PRPF18: variants seen among roughly 807,000 people sequenced by gnomAD.
PRPF18 encodes pre-mRNA processing factor 18, also known as pre-mRNA-splicing factor 18.
PRPF18 carries 38 observed loss-of-function variants against 46.5 expected under a neutral mutation model. The ratio of observed to expected loss-of-function variants is 0.82; its 90% confidence interval spans 0.63 to 1.07. The LOEUF is 1.07. PRPF18 is among the 50% of genes least tolerant of loss of function. The pLI, the probability that PRPF18 is intolerant of heterozygous loss-of-function variation, is 0.00. For synonymous variants in PRPF18, 152 were observed against 146.7 expected, an observed-to-expected ratio of 1.04 and a Z score of -0.26; for missense variants, 263 against 410.0, an observed-to-expected ratio of 0.64 and a Z score of 3.10.
At chr10:13,624,007 CAG>C (rs1462070588) in intron 9 of PRPF18, among the ~76,000 whole-genome samples, 31 of 152,170 alleles carry the variant, frequency 2.0e-4, no homozygotes, top group Admixed American at 1.4e-3. Context: ...TTATTTCAGA[CAG>C]GGTCTCATTC....
At chr10:13,629,221 C>T (rs2080556907) in intron 9 of PRPF18, among the ~76,000 whole-genome samples, 1 of 152,132 alleles carries the variant, frequency 6.6e-6, no homozygotes, top group Admixed American at 6.5e-5. Context: ...TTGTAGTTGT[C>T]TAAAAACAGC....
intron 1 of PRPF18, among the ~76,000 whole-genome samples, chr10:13,587,628 A>G (rs949308328): frequency 5.3e-5 from 8 of 152,206 alleles, no homozygotes; most frequent in Non-Finnish European, 1.0e-4. Context: ...ATAGGGCGCC[A>G]GTTCACCTCA....
At chr10:13,635,022 A>T (rs898102780), downstream of PRPF18, among the ~76,000 whole-genome samples, 1 of 152,100 alleles carries the variant, frequency 6.6e-6, no homozygotes, top group Non-Finnish European at 1.5e-5. Context: ...TCCACTAGCT[A>T]TTCTTCCTGA....
At chr10:13,640,644 T>G in the PRPF18 span, 1 of 152,360 alleles carries the variant, frequency 6.6e-6, no homozygotes, top group African/African-American at 2.4e-5. Context: ...TTTCTCCTAC[T>G]TAATAGCACC....
the PRPF18 span, chr10:13,654,902 G>A: frequency 4.9e-6 from 1 of 205,300 alleles, no homozygotes; most frequent in Admixed American, 5.4e-5. Context: ...GGCTCATACA[G>A]GGAGGGCATA....
chr10:13,642,804 G>T, the PRPF18 span: 2 of 151,918 alleles, frequency 1.3e-5, no homozygotes, highest in African/African-American at 4.8e-5. Context: ...GCTCTCCCAC[G>T]GGCAGTTTTT....
chr10:13,606,795 C>CT (rs1162917288), intron 4 of PRPF18, among the ~76,000 whole-genome samples: 8 of 142,194 alleles, frequency 5.6e-5, no homozygotes, highest in African/African-American at 7.6e-5. Flanking sequence ...TTATGCAGAT[C>CT]TTTTTTTGGA....
At chr10:13,625,702 G>A (rs1159681395) in intron 9 of PRPF18, among the ~76,000 whole-genome samples, 3 of 152,232 alleles carry the variant, frequency 2.0e-5, no homozygotes, top group African/African-American at 4.8e-5. Context: ...CAAAGCTAAA[G>A]AGAAGATTTC....
intron 3 of PRPF18, among the ~76,000 whole-genome samples, chr10:13,601,000 C>T (rs930507756): frequency 1.4e-4 from 22 of 152,120 alleles, no homozygotes; most frequent in Non-Finnish European, 3.1e-4. Flanking sequence ...AGGCTGGTCT[C>T]AAACTCCTGA....
At chr10:13,637,603 C>T in the PRPF18 span, among the ~76,000 whole-genome samples, 1 of 152,110 alleles carries the variant, frequency 6.6e-6, no homozygotes, top group African/African-American at 2.4e-5. Context: ...AATAAGCCTC[C>T]CACTTGGTGG....
chr10:13,621,864 A>G (rs1256371846), intron 9 of PRPF18, among the ~76,000 whole-genome samples: 3 of 152,202 alleles, frequency 2.0e-5, no homozygotes, highest in Non-Finnish European at 4.4e-5. Context: ...CCAATATTTT[A>G]TGTCAATTAT....
In PRPF18 at chr10:13,630,442, T is replaced by G. The variant is rs918538314; in HGVS notation, c.*102T>G. 7.4e-6 allele frequency: 7 copies of G among 945,372 alleles called. No homozygotes were observed. Among genetic ancestry groups the G allele is most frequent in the Non-Finnish European group, 1.1e-5 (7 of 628,444 alleles). 58.6% of individuals were successfully genotyped at this position (945,372 alleles called of 1,614,324 possible). On this transcript the variant is annotated 3_prime_UTR_variant, in exon 10 of 10. Transcript: ENST00000378572. ...ATGAGGAAAGAAGAAAACTGGAGTT[T>G]CCAGTCTCTGAGTTCTACCTGATGT...
chr10:13,654,538 CAG>C, the PRPF18 span: 4 of 1,458,358 alleles, frequency 2.7e-6, no homozygotes, highest in Non-Finnish European at 3.8e-6. Context: ...GCAAGAAAGG[CAG>C]AGAGCAGACA....
chr10:13,647,796 T>G, the PRPF18 span: 1 of 151,872 alleles, frequency 6.6e-6, no homozygotes, highest in Non-Finnish European at 1.5e-5. Flanking sequence ...GAAGTAATTC[T>G]TAAATCTTAA....
At chr10:13,613,691 C>T in intron 6 of PRPF18, 50 bp from the exon 7 acceptor site, 1 of 1,576,502 alleles carries the variant, frequency 6.3e-7, no homozygotes, top group South Asian at 1.2e-5. Context: ...TTTAGATGTA[C>T]TGAACCACTG....
rs755473557 is a variant in PRPF18 at position 13,597,709 on chromosome 10, G to T, written c.144+174G>T. 34 of 1,543,904 alleles carry T rather than the reference G, an allele frequency of 2.2e-5. No individual in the cohort carries two copies. The South Asian group carries it at 2.8e-4, about 13-fold the overall frequency. ...GTTTTTGCATTTTTAAAAAAATCTT[G>T]AATTCAGGAAAATACATGCATGACT... On this transcript the variant is annotated intron_variant, in intron 2 of 9. Transcript: ENST00000378572.
chr10:13,600,390 C>A (rs757611465), intron 3 of PRPF18, 42 bp downstream of exon 3: 2 of 1,431,402 alleles, frequency 1.4e-6, no homozygotes, highest in Admixed American at 3.8e-5. Flanking sequence ...AAGATCTCCA[C>A]GGTGTTTACA....
At chr10:13,596,315 A>G (rs926733697) in intron 1 of PRPF18, among the ~76,000 whole-genome samples, 4 of 152,176 alleles carry the variant, frequency 2.6e-5, no homozygotes, top group Non-Finnish European at 1.5e-5. Context: ...TGGCTGGGTA[A>G]TTCCTGTAGT....
intron 9 of PRPF18, among the ~76,000 whole-genome samples, chr10:13,628,275 C>T (rs887716878): frequency 2.6e-5 from 4 of 152,182 alleles, no homozygotes; most frequent in African/African-American, 4.8e-5. Flanking sequence ...AAATACTTCA[C>T]AGTCTTGTTT....
Sources: gnomAD v4.1 joint callset for allele counts (sites outside exome capture counted in the v4.1 genomes callset) on GRCh38, gnomAD v4.1.1 for gene constraint, MANE v1.5 for transcripts, NCBI Gene and HGNC (gene_info 2026-07-23, HGNC 2026-07-21) for gene names.